FOXN3: variants seen among roughly 807,000 people sequenced by gnomAD.
FOXN3 encodes forkhead box N3, also known as forkhead box protein N3.
FOXN3 carries 7 observed loss-of-function variants against 38.4 expected under a neutral mutation model. The ratio of observed to expected loss-of-function variants is 0.18; its 90% CI spans 0.10 to 0.34. The LOEUF (loss-of-function observed/expected upper bound fraction) is 0.34. Ranked by LOEUF, FOXN3 falls within the 10% of genes least tolerant of loss-of-function variation. The probability of loss-of-function intolerance (pLI) is 1.00; values close to 1 mark genes in which losing one functional copy is unlikely to be tolerated. For missense variants in FOXN3, 456 were observed against 613.4 expected (o/e 0.74, Z 2.71); for synonymous variants, 230 against 242.2 (o/e 0.95, Z 0.47).
intron 1 of FOXN3, among the ~76,000 whole-genome samples, chr14:89,615,580 C>T (rs2139961350): frequency 6.6e-6 from 1 of 152,270 alleles, no homozygotes; most frequent in Admixed American, 6.5e-5. Context: ...AAGGTAGATT[C>T]TAGAAACCAA....
chr14:89,460,314 G>A (rs1226457429), intron 1 of FOXN3, among the ~76,000 whole-genome samples: 1 of 152,102 alleles, frequency 6.6e-6, no homozygotes, highest in Admixed American at 6.6e-5. Flanking sequence ...CATGGGTGCT[G>A]TTTCATCTGT....
chr14:89,388,508 T>C (rs1890852808), intron 2 of FOXN3, among the ~76,000 whole-genome samples: 1 of 152,096 alleles, frequency 6.6e-6, no homozygotes, highest in Non-Finnish European at 1.5e-5. Context: ...AATGCGCCAT[T>C]GACTTACTCA....
intron 1 of FOXN3, among the ~76,000 whole-genome samples, chr14:89,612,289 G>A (rs1417226877): frequency 6.6e-6 from 1 of 152,154 alleles, no homozygotes; most frequent in African/African-American, 2.4e-5. Context: ...CCCCTCGCTA[G>A]TGTGATGTGA....
intron 5 of FOXN3, 108 bp downstream of exon 5, chr14:89,180,593 G>T: frequency 1.4e-6 from 1 of 700,406 alleles, no homozygotes; most frequent in Non-Finnish European, 2.2e-6. Flanking sequence ...GTTTATTGCT[G>T]TCACTAGTTC....
intron 2 of FOXN3, among the ~76,000 whole-genome samples, chr14:89,357,619 AAGAG>A (rs112652118): frequency 2.0e-4 from 31 of 151,740 alleles, no homozygotes; most frequent in South Asian, 1.0e-3. Flanking sequence ...AAAAAAAAAA[AAGAG>A]AGAGAGAGAG....
At chr14:89,492,440 G>A (rs1893599184) in intron 1 of FOXN3, among the ~76,000 whole-genome samples, 1 of 151,498 alleles carries the variant, frequency 6.6e-6, no homozygotes, top group South Asian at 2.1e-4. Flanking sequence ...CCTTCGGTAT[G>A]AGCCACCATT....
At chr14:89,395,402 C>A (rs1891074303) in intron 2 of FOXN3, among the ~76,000 whole-genome samples, 1 of 152,114 alleles carries the variant, frequency 6.6e-6, no homozygotes, top group Non-Finnish European at 1.5e-5. Context: ...AGCAATAAAA[C>A]CCAGATCTCC....
At chr14:89,264,287 A>G (rs1345350977) in intron 4 of FOXN3, among the ~76,000 whole-genome samples, 2 of 152,158 alleles carry the variant, frequency 1.3e-5, no homozygotes, top group African/African-American at 2.4e-5. Flanking sequence ...CCTCACAATC[A>G]CAGCAGAAGG....
At chr14:89,604,040 T>A (rs1246437241) in intron 1 of FOXN3, among the ~76,000 whole-genome samples, 2 of 152,198 alleles carry the variant, frequency 1.3e-5, no homozygotes, top group African/African-American at 4.8e-5. Flanking sequence ...ACCTGTTTTG[T>A]CCCCAAAACC....
intron 2 of FOXN3, among the ~76,000 whole-genome samples, chr14:89,389,504 G>T (rs1023304549): frequency 2.0e-5 from 3 of 152,118 alleles, no homozygotes; most frequent in Non-Finnish European, 4.4e-5. Flanking sequence ...ATGTGTTTAG[G>T]AGAATTACGC....
chr14:89,286,620 C>T (rs1886635963), intron 3 of FOXN3, among the ~76,000 whole-genome samples: 1 of 152,104 alleles, frequency 6.6e-6, no homozygotes, highest in South Asian at 2.1e-4. Flanking sequence ...GGAGAATCAC[C>T]CACCACAAAA....
intron 1 of FOXN3, among the ~76,000 whole-genome samples, chr14:89,609,822 A>T (rs1395043780): frequency 6.6e-6 from 1 of 152,136 alleles, no homozygotes; most frequent in Admixed American, 6.6e-5. Flanking sequence ...GGAGATGAAC[A>T]GGAGGTGGAT....
chr14:89,536,487 GA>G (rs1410550554), intron 1 of FOXN3, among the ~76,000 whole-genome samples: 2 of 152,130 alleles, frequency 1.3e-5, no homozygotes, highest in Non-Finnish European at 2.9e-5. Flanking sequence ...GGCTTATAAA[GA>G]TTAAATAAGG....
intron 1 of FOXN3, among the ~76,000 whole-genome samples, chr14:89,528,833 T>C (rs1443053666): frequency 6.6e-6 from 1 of 151,974 alleles, no homozygotes; most frequent in Non-Finnish European, 1.5e-5. Context: ...AGAGACAAAA[T>C]AGTTGTTGCC....
chr14:89,420,026 AC>A (rs1891859478), upstream of FOXN3, among the ~76,000 whole-genome samples: 1 of 152,096 alleles, frequency 6.6e-6, no homozygotes, highest in Non-Finnish European at 1.5e-5. Flanking sequence ...GAGAGGAAAT[AC>A]GGGGAGGCTG....
At chr14:89,335,900 G>T (rs1375824986) in intron 3 of FOXN3, among the ~76,000 whole-genome samples, 1 of 152,018 alleles carries the variant, frequency 6.6e-6, no homozygotes, top group Non-Finnish European at 1.5e-5. Context: ...TGATTAGAAA[G>T]ATAGCTGAAG....
intron 2 of FOXN3, among the ~76,000 whole-genome samples, chr14:89,361,002 ACCACCACCTCCACCACCACCT>A (rs1889567533): frequency 2.6e-4 from 1 of 3,780 alleles, no homozygotes; most frequent in African/African-American, 3.2e-3. Flanking sequence ...CACCACCTCC[ACCACCACCTCCACCACCACCT>A]CCACCACCAC....
chr14:89,526,705 C>T (rs1464375174), intron 1 of FOXN3, among the ~76,000 whole-genome samples: 2 of 152,116 alleles, frequency 1.3e-5, no homozygotes, highest in African/African-American at 4.8e-5. Context: ...GTATTCCCAA[C>T]AAAAATCCCA....
At chr14:89,292,228 T>C (rs1886896024) in intron 3 of FOXN3, among the ~76,000 whole-genome samples, 1 of 152,166 alleles carries the variant, frequency 6.6e-6, no homozygotes, top group Admixed American at 6.5e-5. Flanking sequence ...TTGTCTCCAC[T>C]TACCTCCCCC....
Sources: gnomAD v4.1 joint callset for allele counts (sites outside exome capture counted in the v4.1 genomes callset) on GRCh38, gnomAD v4.1.1 for gene constraint, MANE v1.5 for transcripts, NCBI Gene and HGNC (gene_info 2026-07-23, HGNC 2026-07-21) for gene names.